Variants in DPP6 observed in about 807,000 individuals in gnomAD.
DPP6 encodes the protein dipeptidyl peptidase like 6.
A neutral mutation model predicts 122.6 loss-of-function variants in DPP6; 69 were observed. That is an observed-to-expected ratio of 0.56 (90% CI 0.46 to 0.69). The LOEUF is 0.69. Among genes scored for constraint, DPP6 ranks in the 30% least tolerant of loss-of-function variants. DPP6 has a pLI of 0.00. For missense variants in DPP6, 928 were observed against 1,116.9 expected, an observed-to-expected ratio of 0.83 and a Z score of 2.41; for synonymous variants, 418 against 433.1, an observed-to-expected ratio of 0.97 and a Z score of 0.43.
the DPP6 span, among the ~76,000 whole-genome samples, chr7:153,805,098 G>A: frequency 1.3e-5 from 2 of 152,122 alleles, no homozygotes; most frequent in Non-Finnish European, 2.9e-5. Flanking sequence ...AAATTGATAT[G>A]TGGCAAAAAT....
chr7:153,760,481 G>A, the DPP6 span, among the ~76,000 whole-genome samples: 1 of 152,016 alleles, frequency 6.6e-6, no homozygotes, highest in South Asian at 2.1e-4. Context: ...ATTTTATCTT[G>A]TACATGCTGG....
chr7:154,760,097 T>G lies in DPP6; in HGVS notation c.884-9320T>G, dbSNP rs186701136. On this transcript the variant is annotated intron_variant, in intron 8 of 25. Coordinates refer to ENST00000377770, the MANE Select transcript of DPP6 (RefSeq NM_130797.4). This position sits in a 1 kb window ranked among gnomAD's most constrained non-coding sequence, Gnocchi z 4.5. ...GAAATCATGCCATTGCACTCCAGCC[T>G]AGGTGACAGAGCGAGATTCTGTCTC... 1.9e-3 allele frequency among the ~76,000 whole-genome samples: 294 copies of G among 152,312 alleles called. No individual in the cohort carries two copies. Among genetic ancestry groups the G allele is most frequent in the South Asian group, 4.8e-3 (23 of 4,824 alleles).
intron 1 of DPP6, among the ~76,000 whole-genome samples, chr7:154,108,998 T>C (rs188493248): frequency 4.6e-4 from 70 of 152,340 alleles, no homozygotes; most frequent in African/African-American, 1.5e-3. Context: ...ATATGCAGGT[T>C]TGTTACATAG....
intron 1 of DPP6, among the ~76,000 whole-genome samples, chr7:154,422,604 T>TTGGA (rs1201689715): frequency 6.6e-6 from 1 of 151,098 alleles, no homozygotes; most frequent in Non-Finnish European, 1.5e-5. Context: ...AGATGGATGG[T>TTGGA]TGGATGGATG....
chr7:154,377,548 G>T (rs115651319), intron 1 of DPP6, among the ~76,000 whole-genome samples: 1 of 152,266 alleles, frequency 6.6e-6, no homozygotes, highest in African/African-American at 2.4e-5. Context: ...GATCATGAGG[G>T]CAGTTTCCTT....
chr7:154,109,168 C>T (rs1321424407), intron 1 of DPP6, among the ~76,000 whole-genome samples: 3 of 152,144 alleles, frequency 2.0e-5, no homozygotes, highest in Non-Finnish European at 2.9e-5. Flanking sequence ...TACCTGTATG[C>T]AATTGAAATA....
intron 1 of DPP6, among the ~76,000 whole-genome samples, chr7:154,238,088 C>T (rs964144415): frequency 2.6e-5 from 4 of 152,168 alleles, no homozygotes; most frequent in African/African-American, 9.7e-5. Context: ...CTTTTCCTCA[C>T]CAAAGAGATG....
chr7:154,079,663 A>G (rs1312242286), intron 1 of DPP6, among the ~76,000 whole-genome samples: 1 of 152,016 alleles, frequency 6.6e-6, no homozygotes, highest in South Asian at 2.1e-4. Flanking sequence ...TTGTGGGCAG[A>G]GGCTGGAAAA....
In DPP6 at chr7:154,834,311, C is replaced by CA. The variant is rs3054390; in HGVS notation, c.1667-19454dup. On this transcript the variant is annotated intron_variant, in intron 16 of 25. Coordinates refer to ENST00000377770, the MANE Select transcript of DPP6 (RefSeq NM_130797.4). ...GGTGAAACCTCGTCTCTACTAAATA[C>CA]AAAAAAAAAAAAAAATTAGCCAGTT... 8.6e-3 allele frequency among the ~76,000 whole-genome samples: 1,154 copies of CA among 134,534 alleles called. 15 individuals carry two copies. The highest frequency in any genetic ancestry group is 0.031 in the Middle Eastern group (8 of 260). The allele number at this position is 134,534 out of a possible 152,430, so 88.3% of individuals were successfully genotyped here.
chr7:154,384,670 T>C (rs1813918024), intron 1 of DPP6, among the ~76,000 whole-genome samples: 1 of 152,090 alleles, frequency 6.6e-6, no homozygotes, highest in Admixed American at 6.6e-5. Context: ...AATGGAAAGC[T>C]CTAGTAACGT....
At chr7:153,765,366 A>AT in the DPP6 span, among the ~76,000 whole-genome samples, 1 of 151,220 alleles carries the variant, frequency 6.6e-6, no homozygotes, top group Admixed American at 6.6e-5. Flanking sequence ...ATATGGTGAA[A>AT]CCTGTCTCTA....
chr7:153,943,640 A>G (rs2129017611), intron 1 of DPP6, among the ~76,000 whole-genome samples: 1 of 152,258 alleles, frequency 6.6e-6, no homozygotes, highest in Non-Finnish European at 1.5e-5. Flanking sequence ...AAACACCCCC[A>G]GGAAGCCACA....
intron 1 of DPP6, among the ~76,000 whole-genome samples, chr7:154,357,946 CAAAA>C (rs563436108): frequency 8.1e-6 from 1 of 123,990 alleles, no homozygotes; most frequent in Non-Finnish European, 1.8e-5. Flanking sequence ...AACTTCGTCT[CAAAA>C]AAAAAAAAAA....
chr7:154,532,455 A>G (rs897650945), intron 3 of DPP6, among the ~76,000 whole-genome samples: 3 of 152,138 alleles, frequency 2.0e-5, no homozygotes, highest in African/African-American at 7.2e-5. Flanking sequence ...GTAAATTAAA[A>G]GTGAAGCAAA....
intron 5 of DPP6, among the ~76,000 whole-genome samples, chr7:154,609,740 C>T (rs1014623420): frequency 4.6e-5 from 7 of 152,196 alleles, no homozygotes; most frequent in African/African-American, 1.7e-4. Flanking sequence ...TATGTGTGCA[C>T]CTGGCCTCTT....
At chr7:154,575,485 G>GAGC (rs1831573400) in intron 5 of DPP6, among the ~76,000 whole-genome samples, 26 of 138,902 alleles carry the variant, frequency 1.9e-4, no homozygotes, top group Non-Finnish European at 3.3e-4. Flanking sequence ...TGGTGTGTGT[G>GAGC]TGGTGTGTGT....
chr7:153,782,662 G>A, the DPP6 span, among the ~76,000 whole-genome samples: 1 of 152,044 alleles, frequency 6.6e-6, no homozygotes, highest in Non-Finnish European at 1.5e-5. Context: ...AGGAAAGAAG[G>A]GTAAGAAAAA....
chr7:154,660,221 T>C (rs549542825), intron 6 of DPP6, among the ~76,000 whole-genome samples: 1 of 150,218 alleles, frequency 6.7e-6, no homozygotes, highest in African/African-American at 2.4e-5. Flanking sequence ...CCATGGCATA[T>C]TGGCCGTAGT....
At position 154,863,406 on chromosome 7, in the gene DPP6, A is replaced by C. The variant is rs3863236; in HGVS notation, c.1715-4589A>C. ...CACCTAGGCTCAAGGGGAGTGGTGC[A>C]ATCACAGCTCAAGCTATCCTCCCAC... On this transcript the variant is annotated intron_variant, in intron 17 of 25. Transcript: ENST00000377770. This position sits in a 1 kb window ranked among gnomAD's most constrained non-coding sequence, Gnocchi z 4.1. Among the ~76,000 whole-genome samples the C allele has an allele frequency of 0.29, 43,523 of 149,196 alleles. 9,933 individuals carry two copies. The highest frequency in any genetic ancestry group is 0.63 in the African/African-American group (25,374 of 40,378).
Sources: gnomAD v4.1 joint callset for allele counts (sites outside exome capture counted in the v4.1 genomes callset) on GRCh38, gnomAD v4.1.1 for gene constraint, Gnocchi (gnomAD v3.1) non-coding constraint, MANE v1.5 for transcripts, NCBI Gene and HGNC (gene_info 2026-07-23, HGNC 2026-07-21) for gene names.